Variants in DACH1 observed in about 807,000 individuals in gnomAD.
DACH1 encodes the protein dachshund homolog 1.
Under a neutral mutation model 54.2 loss-of-function variants are expected in DACH1, and 12 were observed. The observed-to-expected ratio is 0.22, with a 90% CI of 0.14 to 0.36. The LOEUF (loss-of-function observed/expected upper bound fraction) is 0.36, where lower values mean the gene tolerates loss of function less well. DACH1 is among the 10% of genes least tolerant of loss of function. DACH1 has a pLI of 1.00. For synonymous variants in DACH1, 386 were observed against 366.2 expected, an observed-to-expected ratio of 1.05 and a Z score of -0.62; for missense variants, 805 against 929.8, an observed-to-expected ratio of 0.87 and a Z score of 1.75.
intron 6 of DACH1, among the ~76,000 whole-genome samples, chr13:71,544,235 T>C (rs1883322266): frequency 1.3e-5 from 2 of 152,094 alleles, no homozygotes; most frequent in Admixed American, 6.6e-5. Flanking sequence ...GTATTCCTTA[T>C]TGCCAGTAAA....
chr13:71,845,371 G>A (rs9572798), intron 1 of DACH1, among the ~76,000 whole-genome samples: 8,841 of 152,176 alleles, frequency 0.058, 1,019 homozygotes, highest in East Asian at 0.57. Context: ...GGAATATGAG[G>A]ATGCCAAATA....
chr13:71,582,638 T>A (rs552441954), intron 3 of DACH1, among the ~76,000 whole-genome samples: 10 of 152,242 alleles, frequency 6.6e-5, no homozygotes, highest in African/African-American at 2.2e-4. Flanking sequence ...TTCAGCATAT[T>A]TGAAGGACCA....
At position 71,586,446 on chromosome 13, in the gene DACH1, G is replaced by A. The variant is rs906750511; in HGVS notation, c.1127-13434C>T. On this transcript the variant is annotated intron_variant, in intron 3 of 10. Coordinates refer to ENST00000613252, the MANE Select transcript of DACH1 (RefSeq NM_080759.6). ...ATTGGTGCAAAGTGTATATCACACG[G>A]CACTTCAAATAACTGTTATTAAACA... Among the ~76,000 whole-genome samples the A allele has an allele frequency of 9.2e-5, 14 of 152,040 alleles. No individual in the cohort carries two copies. In the East Asian group the frequency reaches 2.5e-3, roughly 27 times the overall value.
intron 2 of DACH1, among the ~76,000 whole-genome samples, chr13:71,673,588 C>A (rs1020184056): frequency 6.6e-6 from 1 of 151,448 alleles, no homozygotes; most frequent in African/African-American, 2.4e-5. Flanking sequence ...GGGTGGGGGA[C>A]ACCACACACC....
chr13:71,628,535 A>G (rs1350350900), intron 3 of DACH1, among the ~76,000 whole-genome samples: 4 of 152,214 alleles, frequency 2.6e-5, no homozygotes, highest in Admixed American at 2.6e-4. Flanking sequence ...GGAAAATTCA[A>G]GTAAATTTCT....
intron 3 of DACH1, among the ~76,000 whole-genome samples, chr13:71,592,089 T>C (rs1208598408): frequency 2.0e-5 from 3 of 152,134 alleles, no homozygotes; most frequent in Non-Finnish European, 4.4e-5. Flanking sequence ...TCTTAAAAAT[T>C]CTGTGTAATA....
At chr13:71,717,264 T>G (rs1883017493) in intron 1 of DACH1, among the ~76,000 whole-genome samples, 1 of 152,200 alleles carries the variant, frequency 6.6e-6, no homozygotes, top group Non-Finnish European at 1.5e-5. Flanking sequence ...TAAGTCATCA[T>G]TGCCCTTTAA....
At chr13:71,543,818 C>A (rs1883294834) in intron 6 of DACH1, among the ~76,000 whole-genome samples, 2 of 152,112 alleles carry the variant, frequency 1.3e-5, no homozygotes, top group Non-Finnish European at 1.5e-5. Context: ...AATAGCGAAA[C>A]TAAGAAAGGC....
intron 1 of DACH1, among the ~76,000 whole-genome samples, chr13:71,787,979 C>T (rs1021356247): frequency 4.6e-5 from 7 of 152,010 alleles, no homozygotes; most frequent in Non-Finnish European, 8.8e-5. Context: ...TTTAAAAATA[C>T]AGTGATATAG....
intron 10 of DACH1, among the ~76,000 whole-genome samples, chr13:71,458,427 C>T (rs1433395435): frequency 6.6e-6 from 1 of 151,900 alleles, no homozygotes; most frequent in African/African-American, 2.4e-5. Flanking sequence ...ACTCTGAAAG[C>T]AATTTATATG....
intron 1 of DACH1, among the ~76,000 whole-genome samples, chr13:71,730,139 A>G (rs1883669611): frequency 6.6e-6 from 1 of 152,142 alleles, no homozygotes; most frequent in Non-Finnish European, 1.5e-5. Flanking sequence ...AGCATGGCAC[A>G]TGTATACATA....
chr13:71,726,740 G>A (rs987693608), intron 1 of DACH1, among the ~76,000 whole-genome samples: 3 of 151,652 alleles, frequency 2.0e-5, no homozygotes, highest in Admixed American at 2.0e-4. Flanking sequence ...AGAAAACAAT[G>A]GTTAGGAAGA....
chr13:71,861,907 C>CA (rs71126514), intron 1 of DACH1, among the ~76,000 whole-genome samples: 11,743 of 86,220 alleles, frequency 0.14, 787 homozygotes, highest in Middle Eastern at 0.2. Context: ...AACTCCTAAC[C>CA]AAAAAAAAAA....
intron 4 of DACH1, among the ~76,000 whole-genome samples, chr13:71,566,803 T>C (rs1409712757): frequency 9.9e-5 from 15 of 151,970 alleles, no homozygotes; most frequent in Non-Finnish European, 2.9e-5. Context: ...TAAAACCAAG[T>C]AAAATTAAAT....
At chr13:71,780,061 T>C (rs1279545767) in intron 1 of DACH1, among the ~76,000 whole-genome samples, 5 of 152,056 alleles carry the variant, frequency 3.3e-5, no homozygotes, top group Non-Finnish European at 7.3e-5. Context: ...GGATATTATA[T>C]ATAAAAAGGC....
At position 71,656,921 on chromosome 13, in the gene DACH1, C is replaced by CATATATATATATATATAT. The variant is rs71123235; in HGVS notation, c.964+24856_964+24873dup. On this transcript the variant is annotated intron_variant, in intron 2 of 10. Transcript: ENST00000613252. The stretch of plus-strand genomic sequence containing the variant: ...GAGTACAGATTGACTGTTCTTCTTT[C>CATATATATATATATATAT]ATATATATATATATATATATATATA... Among the ~76,000 whole-genome samples the CATATATATATATATATAT allele has an allele frequency of 1.6e-3, 137 of 83,394 alleles. 2 individuals are homozygous for CATATATATATATATATAT. The highest frequency in any genetic ancestry group is 0.011 in the Middle Eastern group (1 of 92). The allele number at this position is 83,394 out of a possible 152,430, so 54.7% of individuals were successfully genotyped here.
chr13:71,646,941 G>A (rs779743320), intron 2 of DACH1, among the ~76,000 whole-genome samples: 11 of 152,164 alleles, frequency 7.2e-5, no homozygotes, highest in Non-Finnish European at 1.0e-4. Context: ...CAATACTCAG[G>A]TGTCTTGTAA....
intron 6 of DACH1, among the ~76,000 whole-genome samples, chr13:71,508,822 C>A (rs1880534725): frequency 6.6e-6 from 1 of 152,012 alleles, no homozygotes; most frequent in Admixed American, 6.6e-5. Context: ...TCTACATGTC[C>A]TCACCCTAAG....
chr13:71,697,246 GA>G (rs1391153446), intron 1 of DACH1, among the ~76,000 whole-genome samples: 3 of 151,814 alleles, frequency 2.0e-5, no homozygotes, highest in Non-Finnish European at 2.9e-5. Context: ...TTTATTAAAT[GA>G]AAAAAAATGA....
Sources: gnomAD v4.1 joint callset for allele counts (sites outside exome capture counted in the v4.1 genomes callset) on GRCh38, gnomAD v4.1.1 for gene constraint, MANE v1.5 for transcripts, NCBI Gene and HGNC (gene_info 2026-07-23, HGNC 2026-07-21) for gene names.